The following CNTNAP2 variants were observed in gnomAD, a reference collection of about 807,000 sequenced individuals.
CNTNAP2 encodes contactin-associated protein-like 2.
A neutral mutation model predicts 155.2 loss-of-function variants in CNTNAP2; 98 were observed. The ratio of observed to expected loss-of-function variants is 0.63; its 90% CI spans 0.54 to 0.75. The LOEUF is 0.75. CNTNAP2 is among the 30% of genes least tolerant of loss of function. The pLI, the probability that CNTNAP2 is intolerant of heterozygous loss-of-function variation, is 0.00. For missense variants in CNTNAP2, 1,727 were observed against 1,688.1 expected (o/e 1.02, Z -0.40); for synonymous variants, 651 against 631.2 (o/e 1.03, Z -0.47).
In CNTNAP2 at chr7:148,173,586, A is replaced by G. The variant is rs1794871063; in HGVS notation, c.3010+1108A>G. Among the ~76,000 whole-genome samples the G allele has an allele frequency of 2.0e-5, 3 of 152,364 alleles. No individual in the cohort carries two copies. In the South Asian group the frequency reaches 6.2e-4, roughly 32 times the overall value. On this transcript the variant is annotated intron_variant, in intron 18 of 23. Coordinates refer to ENST00000361727, the MANE Select transcript of CNTNAP2 (RefSeq NM_014141.6). The stretch of plus-strand genomic sequence containing the variant: ...CAAATTAGGCCAGACAGGGTATGAA[A>G]AATGAGCATGAGACAACAACAAAGG...
At chr7:146,657,134 C>A (rs778646900) in intron 1 of CNTNAP2, among the ~76,000 whole-genome samples, 2 of 152,150 alleles carry the variant, frequency 1.3e-5, no homozygotes, top group Non-Finnish European at 2.9e-5. Flanking sequence ...ATCCTCACAG[C>A]CTCACATATT....
intron 13 of CNTNAP2, among the ~76,000 whole-genome samples, chr7:147,811,647 T>G (rs895692286): frequency 6.6e-6 from 1 of 152,308 alleles, no homozygotes; most frequent in South Asian, 2.1e-4. Flanking sequence ...TTAAACCCTT[T>G]GGGAAAGAGG....
intron 13 of CNTNAP2, among the ~76,000 whole-genome samples, chr7:147,776,637 T>C (rs1371524877): frequency 6.6e-6 from 1 of 152,164 alleles, no homozygotes; most frequent in Non-Finnish European, 1.5e-5. Context: ...TTTCAAATTA[T>C]TGCTTATTTA....
chr7:147,753,065 G>A (rs181680384), intron 13 of CNTNAP2, among the ~76,000 whole-genome samples: 6 of 152,268 alleles, frequency 3.9e-5, no homozygotes, highest in South Asian at 2.1e-4. Context: ...ATCTTGAAGC[G>A]TCAGAATGCT....
At chr7:147,291,382 A>T (rs1805308372) in intron 8 of CNTNAP2, among the ~76,000 whole-genome samples, 1 of 151,930 alleles carries the variant, frequency 6.6e-6, no homozygotes, top group African/African-American at 2.4e-5. Context: ...TATTTTATAA[A>T]CTAGTTCTAT....
At chr7:146,283,110 G>C (rs1800275671) in intron 1 of CNTNAP2, among the ~76,000 whole-genome samples, 1 of 152,138 alleles carries the variant, frequency 6.6e-6, no homozygotes, top group Non-Finnish European at 1.5e-5. Context: ...CGAGTTTTGT[G>C]TTCTCTTCAA....
intron 1 of CNTNAP2, among the ~76,000 whole-genome samples, chr7:146,720,394 A>T (rs1343587311): frequency 1.3e-5 from 2 of 152,106 alleles, no homozygotes; most frequent in East Asian, 3.9e-4. Flanking sequence ...AGAGAAGGCA[A>T]TTATCTATTA....
chr7:147,326,114 T>C (rs13245948), intron 9 of CNTNAP2, among the ~76,000 whole-genome samples: 5,935 of 152,204 alleles, frequency 0.039, 164 homozygotes, highest in Non-Finnish European at 0.058. Flanking sequence ...TTAGTAGAGA[T>C]GGGGTTTCAC....
intron 3 of CNTNAP2, among the ~76,000 whole-genome samples, chr7:147,037,070 G>A (rs570923407): frequency 2.6e-5 from 4 of 152,050 alleles, no homozygotes; most frequent in African/African-American, 9.7e-5. Context: ...AGGACTTTGG[G>A]TGCTGATAAT....
chr7:147,291,273 T>A (rs562964435), intron 8 of CNTNAP2, among the ~76,000 whole-genome samples: 2 of 152,148 alleles, frequency 1.3e-5, no homozygotes, highest in South Asian at 4.1e-4. Context: ...ATCTAGGTTT[T>A]AAGCCCCACA....
chr7:146,368,821 T>A (rs1584892404), intron 1 of CNTNAP2, among the ~76,000 whole-genome samples: 1 of 147,806 alleles, frequency 6.8e-6, no homozygotes, highest in Non-Finnish European at 1.5e-5. Flanking sequence ...TCACTACTAC[T>A]TGATTCTTCA....
intron 17 of CNTNAP2, among the ~76,000 whole-genome samples, chr7:148,150,764 C>G (rs1805282154): frequency 6.6e-6 from 1 of 152,028 alleles, no homozygotes; most frequent in Non-Finnish European, 1.5e-5. Context: ...GTTTGTTTTA[C>G]ATGGAGTCTT....
intron 3 of CNTNAP2, among the ~76,000 whole-genome samples, chr7:146,931,318 A>G (rs1252648887): frequency 9.9e-5 from 15 of 151,910 alleles, no homozygotes; most frequent in Non-Finnish European, 1.8e-4. Context: ...AAACTGAACA[A>G]CCTGCTCCTG....
At chr7:146,244,873 CG>C (rs749649908) in intron 1 of CNTNAP2, among the ~76,000 whole-genome samples, 11 of 151,946 alleles carry the variant, frequency 7.2e-5, no homozygotes, top group Admixed American at 2.0e-4. Flanking sequence ...TTATCTGACT[CG>C]GGGCATGTTG....
chr7:146,536,573 T>G (rs146265144), intron 1 of CNTNAP2, among the ~76,000 whole-genome samples: 3,054 of 151,488 alleles, frequency 0.02, 107 homozygotes, highest in African/African-American at 0.069. Context: ...GACTGCTCAC[T>G]GCTGCCTCCC....
At chr7:147,832,751 C>T (rs2888535) in intron 13 of CNTNAP2, among the ~76,000 whole-genome samples, 6,449 of 145,042 alleles carry the variant, frequency 0.044, 253 homozygotes, top group Admixed American at 0.12. Flanking sequence ...AATTTAATGA[C>T]ATATAAACAT....
chr7:147,612,694 C>T (rs1413367036), intron 12 of CNTNAP2, among the ~76,000 whole-genome samples: 1 of 152,062 alleles, frequency 6.6e-6, no homozygotes, highest in Non-Finnish European at 1.5e-5. Context: ...ATCCACCACA[C>T]CCAGTCAAGC....
intron 1 of CNTNAP2, among the ~76,000 whole-genome samples, chr7:146,309,067 A>G (rs142094465): frequency 3.1e-4 from 47 of 152,320 alleles, no homozygotes; most frequent in African/African-American, 1.0e-3. Context: ...CTTAGTTTTA[A>G]ATATTGAGTG....
chr7:147,375,685 A>T (rs745619751), intron 9 of CNTNAP2, among the ~76,000 whole-genome samples: 1 of 152,000 alleles, frequency 6.6e-6, no homozygotes, highest in Admixed American at 6.6e-5. Flanking sequence ...ACCTCTCCCC[A>T]CAAGTACTAA....
Sources: allele counts gnomAD v4.1 joint callset (sites outside exome capture counted in the v4.1 genomes callset), GRCh38; gene constraint gnomAD v4.1.1; transcripts MANE v1.5; gene names NCBI Gene and HGNC (gene_info 2026-07-23, HGNC 2026-07-21).